The following UBE3A variants were observed in gnomAD, a reference collection of about 807,000 sequenced individuals.
The protein encoded by UBE3A is ubiquitin protein ligase E3A, also known as ubiquitin-protein ligase E3A.
A neutral mutation model predicts 83.4 loss-of-function variants in UBE3A; 6 were observed. The ratio of observed to expected loss-of-function variants is 0.07; its 90% CI spans 0.04 to 0.14. The LOEUF is 0.14. Ranked by LOEUF, UBE3A falls within the 10% of genes least tolerant of loss-of-function variation. The pLI is 1.00. For synonymous variants in UBE3A, 337 were observed against 355.4 expected, an observed-to-expected ratio of 0.95 and a Z score of 0.58; for missense variants, 456 against 1,036.1, an observed-to-expected ratio of 0.44 and a Z score of 7.69.
intron 1 of UBE3A, among the ~76,000 whole-genome samples, chr15:25,420,435 C>T (rs916333105): frequency 2.6e-5 from 4 of 151,708 alleles, no homozygotes; most frequent in African/African-American, 4.8e-5. Context: ...ATTCCTCTCT[C>T]GGTAATTAGT....
At chr15:25,408,853 G>A (rs1001892381) in intron 3 of UBE3A, 43 of 748,202 alleles carry the variant, frequency 5.7e-5, no homozygotes, top group Non-Finnish European at 8.2e-5. Context: ...AAGTTTTTTT[G>A]AGAAATACTT....
intron 4 of UBE3A, among the ~76,000 whole-genome samples, chr15:25,379,730 C>T (rs1325475139): frequency 6.6e-6 from 1 of 152,144 alleles, no homozygotes; most frequent in Non-Finnish European, 1.5e-5. Flanking sequence ...ATCCTTGTAC[C>T]ATATGGGTCA....
In UBE3A at chr15:25,354,388, A is replaced by G; in HGVS notation, c.2319T>C (p.Tyr773=). The part of the protein sequence containing the change: ...DFQALEETTE[Y]DGGYTRDSVL... ...CAGAGTCCCTGGTATAGCCACCGTCATATTCTGTAGTTTCTTCTAGTGCTT... is the reference window on the plus strand; with the variant it reads ...CAGAGTCCCTGGTATAGCCACCGTCGTATTCTGTAGTTTCTTCTAGTGCTT... The change falls in exon 11 of 13, where the codon TAT becomes TAC. Residue 773 remains tyrosine, a synonymous_variant. Transcript: ENST00000648336. 6.2e-7 allele frequency: 1 copy of G among 1,613,890 alleles called. No homozygotes were observed. The highest frequency in any genetic ancestry group is 8.5e-7 in the Non-Finnish European group (1 of 1,179,914).
chr15:25,379,450 G>C (rs2081792980), intron 4 of UBE3A, among the ~76,000 whole-genome samples: 1 of 152,124 alleles, frequency 6.6e-6, no homozygotes, highest in Admixed American at 6.5e-5. Flanking sequence ...GCCTTTCTGT[G>C]CCAAGTTTAA....
At chr15:25,391,829 T>C (rs1259513585) in intron 4 of UBE3A, 1 of 151,846 alleles carries the variant, frequency 6.6e-6, no homozygotes, top group African/African-American at 2.4e-5. Context: ...GGTAAAACAG[T>C]TTTGAGTTGG....
chr15:25,362,165 T>C (rs1312666132), intron 6 of UBE3A, among the ~76,000 whole-genome samples: 1 of 152,192 alleles, frequency 6.6e-6, no homozygotes, highest in Non-Finnish European at 1.5e-5. Flanking sequence ...CTATGTAAAA[T>C]ACTAGGGATT....
At chr15:25,405,644 A>G in intron 3 of UBE3A, 142 bp from the exon 4 acceptor site, 1 of 885,438 alleles carries the variant, frequency 1.1e-6, no homozygotes, top group Non-Finnish European at 1.8e-6. Context: ...TGTCAACATG[A>G]AAGAAAGTGG....
At chr15:25,361,575 T>G (rs1300224364) in intron 6 of UBE3A, among the ~76,000 whole-genome samples, 4 of 152,152 alleles carry the variant, frequency 2.6e-5, no homozygotes, top group Non-Finnish European at 5.9e-5. Context: ...ATTCCAATAT[T>G]AACTGTTTAT....
In UBE3A at chr15:25,377,686, C is replaced by T. The variant is rs188805921; in HGVS notation, c.63-1923G>A. Among the ~76,000 whole-genome samples the T allele has an allele frequency of 2.8e-4, 43 of 152,114 alleles. No individual in the cohort carries two copies. The East Asian group carries it at 3.9e-3, about 14-fold the overall frequency. On this transcript the variant is annotated intron_variant, in intron 4 of 12. Transcript: ENST00000648336. ...ACATGTATCGAAAGTCTTAAAAACA[C>T]GAATACCGTGTGAATGAGATCCTAC...
In UBE3A at chr15:25,371,453, T is replaced by C. The variant is rs753920397; in HGVS notation, c.721A>G (p.Thr241Ala). ...ATTTTTTCATTAGAGAGCAATCTGGTGTAGACCCTTCTAATGGCATCAATA... is the reference window on the plus strand; with the variant it reads ...ATTTTTTCATTAGAGAGCAATCTGGCGTAGACCCTTCTAATGGCATCAATA... ...VDIDAIRRVY[T>A]RLLSNEKIET... The change falls in exon 6 of 13, where the codon ACC becomes GCC. Residue 241 changes from threonine (T) to alanine (A), a missense_variant. Physicochemically the swap from Thr to Ala is moderately conservative, Grantham distance 58. Coordinates refer to ENST00000648336, the MANE Select transcript of UBE3A (RefSeq NM_130839.5). This position sits in a 1 kb window ranked among gnomAD's most constrained non-coding sequence, Gnocchi z 5.3. The C allele has an allele frequency of 1.9e-6, 3 of 1,614,110 alleles. No individual in the cohort carries two copies. The highest frequency in any genetic ancestry group is 3.3e-5 in the Admixed American group (2 of 60,014).
At chr15:25,413,762 T>C (rs757219022) in intron 1 of UBE3A, among the ~76,000 whole-genome samples, 1 of 152,178 alleles carries the variant, frequency 6.6e-6, no homozygotes. Flanking sequence ...GTTTCCATCA[T>C]TTCTGTATAT....
intron 4 of UBE3A, among the ~76,000 whole-genome samples, chr15:25,399,899 A>AT (rs2086669653): frequency 6.6e-6 from 1 of 152,082 alleles, no homozygotes; most frequent in Non-Finnish European, 1.5e-5. Context: ...TGTGACTATC[A>AT]TGCTGTTATA....
chr15:25,430,666 T>C (rs1893193023), intron 1 of UBE3A, among the ~76,000 whole-genome samples: 1 of 152,104 alleles, frequency 6.6e-6, no homozygotes, highest in Admixed American at 6.6e-5. Flanking sequence ...AACTAGAAAG[T>C]AGTTCATGCA....
intron 4 of UBE3A, among the ~76,000 whole-genome samples, chr15:25,387,470 C>A (rs1021243909): frequency 1.3e-5 from 2 of 151,336 alleles, no homozygotes; most frequent in African/African-American, 4.9e-5. Flanking sequence ...TGCGGTGAGC[C>A]GAGATCGAGC....
At chr15:25,429,050 A>G (rs1171232323) in intron 1 of UBE3A, among the ~76,000 whole-genome samples, 1 of 152,234 alleles carries the variant, frequency 6.6e-6, no homozygotes, top group African/African-American at 2.4e-5. Flanking sequence ...ATGTACACGC[A>G]TCAACATATA....
chr15:25,423,528 T>C (rs1018352644), intron 1 of UBE3A, among the ~76,000 whole-genome samples: 1 of 152,188 alleles, frequency 6.6e-6, no homozygotes, highest in Non-Finnish European at 1.5e-5. Context: ...TCTCATAACA[T>C]CATGAACTCT....
Position 25,370,159 on chromosome 15 carries a change from ACTAC to A in UBE3A, c.1608+403_1608+406del, listed in dbSNP as rs1323391156. On this transcript the variant is annotated intron_variant, in intron 6 of 12. Transcript: ENST00000648336. This position sits in a 1 kb window ranked among gnomAD's most constrained non-coding sequence, Gnocchi z 4.2. ...TTTTACACGATGGAATTTTTTGGAC[ACTAC>A]CTATAATTTTATGGTATGGTTTTAC... is the stretch of plus-strand genomic sequence containing the variant. 2.6e-5 allele frequency among the ~76,000 whole-genome samples: 4 copies of A among 152,222 alleles called. No homozygotes were observed. The highest frequency in any genetic ancestry group is 4.8e-5 in the African/African-American group (2 of 41,454).
Position 25,422,641 on chromosome 15 carries a change from T to G in UBE3A, c.-164-10670A>C, listed in dbSNP as rs575252520. Among the ~76,000 whole-genome samples the G allele has an allele frequency of 3.3e-5, 5 of 151,918 alleles. No homozygotes were observed. The South Asian group carries it at 1.0e-3, about 32-fold the overall frequency. On this transcript the variant is annotated intron_variant, in intron 1 of 12. Transcript: ENST00000648336. ...AATGCTCATATCTAACTTTCTAAAT[T>G]AAAGTCTATAAAGTAAAATCACAAA...
At chr15:25,425,682 A>G (rs1057006320) in intron 1 of UBE3A, among the ~76,000 whole-genome samples, 9 of 151,900 alleles carry the variant, frequency 5.9e-5, no homozygotes, top group Non-Finnish European at 1.0e-4. Context: ...GAAACCTTTC[A>G]TTTCTTCTTA....
Sources: gnomAD v4.1 joint callset for allele counts (sites outside exome capture counted in the v4.1 genomes callset) on GRCh38, gnomAD v4.1.1 for gene constraint, Gnocchi (gnomAD v3.1) non-coding constraint, MANE v1.5 for transcripts, NCBI Gene and HGNC (gene_info 2026-07-23, HGNC 2026-07-21) for gene names.